The following DLG2 variants were observed in gnomAD, a reference collection of about 807,000 sequenced individuals.
The protein encoded by DLG2 is discs large MAGUK scaffold protein 2.
A neutral mutation model predicts 132.5 loss-of-function variants in DLG2; 45 were observed. That is an observed-to-expected ratio of 0.34 (90% CI 0.27 to 0.44). DLG2 has a LOEUF of 0.44. DLG2 is among the 20% of genes least tolerant of loss of function. DLG2 has a pLI of 1.00. For missense variants in DLG2, 1,045 were observed against 1,196.9 expected (o/e 0.87, Z 1.87); for synonymous variants, 424 against 419.6 (o/e 1.01, Z -0.13).
chr11:84,357,186 G>A (rs2098619852), intron 7 of DLG2, among the ~76,000 whole-genome samples: 1 of 152,018 alleles, frequency 6.6e-6, no homozygotes, highest in Non-Finnish European at 1.5e-5. Context: ...GATAGCTCTG[G>A]CTGCCTGTAG....
chr11:83,519,765 G>A (rs982793146), intron 21 of DLG2, among the ~76,000 whole-genome samples: 1 of 152,214 alleles, frequency 6.6e-6, no homozygotes, highest in Non-Finnish European at 1.5e-5. Context: ...AGAAGTTCAG[G>A]CAGCTCATGG....
chr11:85,615,569 A>G (rs1297971633), intron 2 of DLG2, among the ~76,000 whole-genome samples: 2 of 152,174 alleles, frequency 1.3e-5, no homozygotes, highest in East Asian at 3.8e-4. Flanking sequence ...TTTTTGCATC[A>G]TTCCAGATTT....
chr11:85,112,769 T>G (rs556713309), intron 5 of DLG2, among the ~76,000 whole-genome samples: 1 of 152,084 alleles, frequency 6.6e-6, no homozygotes, highest in South Asian at 2.1e-4. Context: ...ATCTCTGAGA[T>G]TGCAGCAAGA....
rs867824926 is a variant in DLG2 at position 84,147,402 on chromosome 11, C to T, written c.624+16059G>A. Among the ~76,000 whole-genome samples, 6 of 152,014 alleles carry T rather than the reference C, an allele frequency of 3.9e-5. No individual in the cohort carries two copies. In the South Asian group the frequency reaches 6.2e-4, roughly 16 times the overall value. ...AAAAAGAAGAGGTGCTTTTAATGCA[C>T]GACAAAACACTAGCTGTTTAGCATT... On this transcript the variant is annotated intron_variant, in intron 9 of 27. Coordinates refer to ENST00000376104, the MANE Select transcript of DLG2 (RefSeq NM_001142699.3).
chr11:83,461,899 G>A, intron 27 of DLG2, 103 bp downstream of exon 27: 2 of 761,884 alleles, frequency 2.6e-6, no homozygotes, highest in Non-Finnish European at 4.7e-6. Flanking sequence ...TTCTCAACAG[G>A]AAGGTTTTAG....
intron 3 of DLG2, among the ~76,000 whole-genome samples, chr11:85,425,513 A>G (rs2090645382): frequency 6.6e-6 from 1 of 152,138 alleles, no homozygotes; most frequent in Non-Finnish European, 1.5e-5. Context: ...TACTGGTAAC[A>G]CTTTAAATTG....
chr11:84,442,890 A>C (rs1025817421), intron 7 of DLG2, among the ~76,000 whole-genome samples: 3 of 152,144 alleles, frequency 2.0e-5, no homozygotes, highest in Non-Finnish European at 2.9e-5. Flanking sequence ...AAAGCAAAGG[A>C]ATAGCTACAT....
chr11:83,472,359 G>T (rs1385746487), intron 23 of DLG2, among the ~76,000 whole-genome samples: 1 of 152,126 alleles, frequency 6.6e-6, no homozygotes, highest in East Asian at 1.9e-4. Flanking sequence ...ATCTTAGGCA[G>T]ATCTGCTAGA....
rs56086759 is a variant in DLG2 at position 84,483,430 on chromosome 11, CA to C, written c.519+51139del. Reference sequence around the variant, plus strand: ...TGTGCAACAGAGCCAGACTCCGCCTCAAAAAAAAAAAAAAAAAAAATTAAAC... The same window carrying C: ...TGTGCAACAGAGCCAGACTCCGCCTCAAAAAAAAAAAAAAAAAAATTAAAC... On this transcript the variant is annotated intron_variant, in intron 7 of 27. Coordinates refer to ENST00000376104, the MANE Select transcript of DLG2 (RefSeq NM_001142699.3). 6.0e-3 allele frequency among the ~76,000 whole-genome samples: 544 copies of C among 90,152 alleles called. 1 individual carries two copies. The highest frequency in any genetic ancestry group is 0.026 in the East Asian group (75 of 2,926). 59.1% of individuals were successfully genotyped at this position (90,152 alleles called of 152,430 possible). A position where few individuals can be genotyped will look rare whatever the true frequency, so the allele number is the denominator to read the frequency against.
intron 7 of DLG2, among the ~76,000 whole-genome samples, chr11:84,309,654 C>A (rs186313944): frequency 6.6e-6 from 1 of 152,168 alleles, no homozygotes; most frequent in East Asian, 1.9e-4. Flanking sequence ...AGAATAAAAC[C>A]AGGTGAGGCT....
chr11:83,952,955 AG>A (rs2085851606), intron 14 of DLG2, among the ~76,000 whole-genome samples: 1 of 152,202 alleles, frequency 6.6e-6, no homozygotes, highest in Non-Finnish European at 1.5e-5. Flanking sequence ...GTAGATCAGT[AG>A]GTAATAAAAA....
intron 6 of DLG2, among the ~76,000 whole-genome samples, chr11:85,048,059 T>C (rs1000307522): frequency 6.6e-6 from 1 of 151,996 alleles, no homozygotes; most frequent in African/African-American, 2.4e-5. Flanking sequence ...TTACTAAAGA[T>C]AATTTTCTCA....
At chr11:84,134,261 C>T (rs548487800) in intron 9 of DLG2, among the ~76,000 whole-genome samples, 1 of 151,050 alleles carries the variant, frequency 6.6e-6, no homozygotes, top group Non-Finnish European at 1.5e-5. Flanking sequence ...TAGAAACAGT[C>T]TTCCTGAGGA....
chr11:83,635,165 C>T (rs2064463169), intron 18 of DLG2, among the ~76,000 whole-genome samples: 1 of 152,110 alleles, frequency 6.6e-6, no homozygotes, highest in African/African-American at 2.4e-5. Flanking sequence ...CACTTGAGCC[C>T]AGGATTTCAA....
At chr11:84,915,978 A>G (rs1393037775) in intron 6 of DLG2, among the ~76,000 whole-genome samples, 1 of 152,182 alleles carries the variant, frequency 6.6e-6, no homozygotes, top group Non-Finnish European at 1.5e-5. Context: ...AACTGAGACC[A>G]AAAGAAAAGG....
intron 3 of DLG2, among the ~76,000 whole-genome samples, chr11:85,588,376 A>T (rs769505082): frequency 6.0e-5 from 9 of 150,506 alleles, no homozygotes; most frequent in Non-Finnish European, 1.2e-4. Context: ...GGCTTTGTTC[A>T]TTTTTTTTTC....
chr11:84,452,582 G>A (rs1031702518), intron 7 of DLG2, among the ~76,000 whole-genome samples: 2 of 151,678 alleles, frequency 1.3e-5, no homozygotes, highest in African/African-American at 2.4e-5. Context: ...AAAGTGGTTG[G>A]GTTCTGGACA....
intron 21 of DLG2, among the ~76,000 whole-genome samples, chr11:83,506,269 C>T (rs2094694239): frequency 6.6e-6 from 1 of 152,176 alleles, no homozygotes; most frequent in Non-Finnish European, 1.5e-5. Context: ...TTTCTAAGTC[C>T]CTGAGCTGCA....
At chr11:83,745,793 C>A (rs370787680) in intron 18 of DLG2, among the ~76,000 whole-genome samples, 1 of 151,212 alleles carries the variant, frequency 6.6e-6, no homozygotes, top group East Asian at 1.9e-4. Flanking sequence ...CAGAGTGAGA[C>A]GCTGCCTTAA....
Sources: gnomAD v4.1 joint callset for allele counts (sites outside exome capture counted in the v4.1 genomes callset) on GRCh38, gnomAD v4.1.1 for gene constraint, MANE v1.5 for transcripts, NCBI Gene and HGNC (gene_info 2026-07-23, HGNC 2026-07-21) for gene names.